Variants in EIF4G3 observed in about 807,000 individuals in gnomAD.
The protein encoded by EIF4G3 is eukaryotic translation initiation factor 4 gamma 3, also known as eIF-4-gamma 3.
A neutral mutation model predicts 186.4 loss-of-function variants in EIF4G3; 34 were observed. That is an observed-to-expected ratio of 0.18 (90% CI 0.14 to 0.24). The LOEUF is 0.24. EIF4G3 is among the 10% of genes least tolerant of loss of function. The probability of loss-of-function intolerance (pLI) is 1.00; values close to 1 mark genes in which losing one functional copy is unlikely to be tolerated. For missense variants in EIF4G3, 1,536 were observed against 1,948.5 expected, an observed-to-expected ratio of 0.79 and a Z score of 3.99; for synonymous variants, 673 against 679.5, an observed-to-expected ratio of 0.99 and a Z score of 0.15.
intron 12 of EIF4G3, among the ~76,000 whole-genome samples, chr1:20,964,356 C>T (rs1272706107): frequency 1.1e-4 from 17 of 152,178 alleles, no homozygotes; most frequent in Admixed American, 2.0e-4. Context: ...CCTCCATCTA[C>T]GCACTGTGAT....
At chr1:21,033,208 AAAC>A (rs1419004906) in intron 4 of EIF4G3, among the ~76,000 whole-genome samples, 1 of 152,304 alleles carries the variant, frequency 6.6e-6, no homozygotes, top group East Asian at 1.9e-4. Context: ...TTTATTTTTT[AAAC>A]AACAATGCAG....
chr1:21,013,802 C>T (rs958107313), intron 4 of EIF4G3, among the ~76,000 whole-genome samples: 1 of 152,168 alleles, frequency 6.6e-6, no homozygotes, highest in South Asian at 2.1e-4. Context: ...CCTGATGTTA[C>T]CCATCATGGA....
rs1477756202 is a variant in EIF4G3 at position 20,817,324 on chromosome 1, C to A, written c.4515+68G>T. 8 of 1,078,104 alleles carry A rather than the reference C, an allele frequency of 7.4e-6. No individual in the cohort carries two copies. In the East Asian group the frequency reaches 2.4e-4, roughly 32 times the overall value. 66.8% of individuals were successfully genotyped at this position (1,078,104 alleles called of 1,614,324 possible). A position where few individuals can be genotyped will look rare whatever the true frequency, so the allele number is the denominator to read the frequency against. On this transcript the variant is annotated intron_variant, in intron 34 of 36. Transcript: ENST00000602326. ...TTCATGAAGTGAACTGATAGGTAAG[C>A]GAATTAAGGGGATCCCACAAGAATC...
intron 14 of EIF4G3, among the ~76,000 whole-genome samples, chr1:20,923,308 GTC>G: frequency 6.6e-6 from 1 of 152,240 alleles, no homozygotes; most frequent in South Asian, 2.1e-4. Context: ...GTGGAGGACA[GTC>G]CATTAAGCAA....
chr1:21,083,286 C>T (rs1303382498), intron 3 of EIF4G3, among the ~76,000 whole-genome samples: 1 of 152,018 alleles, frequency 6.6e-6, no homozygotes, highest in Non-Finnish European at 1.5e-5. Flanking sequence ...TTTAAGGTAA[C>T]TTTTAGCTGC....
rs368585826 is a variant in EIF4G3, at chr1:21,124,599, T to C, written c.-271-35386A>G. Reference sequence around the variant, plus strand: ...TATAAGGTAGAGGAAATGAGAATTCTTCAGAATTTTGAAATCTCAAACTAT... The same window carrying C: ...TATAAGGTAGAGGAAATGAGAATTCCTCAGAATTTTGAAATCTCAAACTAT... On this transcript the variant is annotated intron_variant, in intron 2 of 36. Coordinates refer to ENST00000602326, the MANE Select transcript of EIF4G3 (RefSeq NM_001391906.1). Among the ~76,000 whole-genome samples the C allele has an allele frequency of 3.3e-5, 5 of 152,320 alleles. No individual in the cohort carries two copies. In the East Asian group the frequency reaches 5.8e-4, roughly 18 times the overall value.
chr1:20,860,336 A>T, intron 24 of EIF4G3, 49 bp downstream of exon 24: 1 of 1,609,574 alleles, frequency 6.2e-7, no homozygotes. Context: ...CTTAATATGT[A>T]TTCCTGAAAC....
chr1:21,150,775 G>A (rs1189135924), intron 2 of EIF4G3, among the ~76,000 whole-genome samples: 1 of 152,164 alleles, frequency 6.6e-6, no homozygotes, highest in African/African-American at 2.4e-5. Flanking sequence ...TCGGGAGTTC[G>A]AGATCAGCCT....
chr1:21,124,484 T>C (rs1049873409), intron 2 of EIF4G3, among the ~76,000 whole-genome samples: 1 of 152,164 alleles, frequency 6.6e-6, no homozygotes, highest in Non-Finnish European at 1.5e-5. Context: ...GTAGGCTTTA[T>C]TTTGCTTCTA....
intron 2 of EIF4G3, among the ~76,000 whole-genome samples, chr1:21,157,639 G>A (rs1435489676): frequency 6.6e-6 from 1 of 151,786 alleles, no homozygotes; most frequent in East Asian, 1.9e-4. Flanking sequence ...CCCAGCCTCA[G>A]GTTTCTTTTG....
intron 11 of EIF4G3, among the ~76,000 whole-genome samples, chr1:20,971,145 G>A (rs1213337942): frequency 2.0e-5 from 3 of 152,138 alleles, no homozygotes; most frequent in Non-Finnish European, 2.9e-5. Context: ...AAGTGTCTGC[G>A]ACTAGGCATT....
rs1259452044 is a variant in EIF4G3 at position 20,865,149 on chromosome 1, C to T, written c.2736G>A (p.Glu912=). The T allele has an allele frequency of 1.2e-6, 2 of 1,614,156 alleles. No homozygotes were observed. The highest frequency in any genetic ancestry group is 2.7e-5 in the African/African-American group (2 of 75,042). The change falls in exon 21 of 37, where the codon GAG becomes GAA. Residue 912 remains glutamate (E), a synonymous_variant. Coordinates refer to ENST00000602326, the MANE Select transcript of EIF4G3 (RefSeq NM_001391906.1). ...CAGCCTCAAGTTCTTTCTGCTTCTT[C>T]TCAAAGACATCATCATCTGCTTTAT... ...EKDKADDDVF[E]KKQKELEAAS...
intron 3 of EIF4G3, among the ~76,000 whole-genome samples, chr1:21,083,487 CT>C (rs11368580): frequency 5.5e-4 from 79 of 144,410 alleles, no homozygotes; most frequent in Non-Finnish European, 5.9e-4. Flanking sequence ...CACACACACA[CT>C]TTTTTTTTTT....
intron 10 of EIF4G3, among the ~76,000 whole-genome samples, chr1:20,978,677 C>CAA (rs10603153): frequency 7.2e-4 from 77 of 106,280 alleles, no homozygotes; most frequent in African/African-American, 2.3e-3. Context: ...TTTATCAGAT[C>CAA]AAAAAAAAAA....
Position 20,879,476 on chromosome 1 carries a change from T to C in EIF4G3, c.2469A>G (p.Pro823=), listed in dbSNP as rs2081692606. ...GCTTCATCAGTTGATTGAACATCTG[T>C]GGTGTCAATTTATTTAAGATACTTC... The part of the protein sequence containing the change: ...KVRSILNKLT[P]QMFNQLMKQV... Residue 823 remains proline, a synonymous_variant, in exon 20 of 37, where the codon CCA becomes CCG. Transcript: ENST00000602326. 5 of 1,524,324 alleles carry C rather than the reference T, an allele frequency of 3.3e-6. No homozygotes were observed. In the South Asian group the frequency reaches 3.9e-5, roughly 12 times the overall value. The allele number at this position is 1,524,324 out of a possible 1,614,324, so 94.4% of individuals were successfully genotyped here.
rs529857168 is a variant in EIF4G3 at position 21,151,488 on chromosome 1, T to C, written c.-272+24687A>G. 2.3e-4 allele frequency among the ~76,000 whole-genome samples: 35 copies of C among 152,150 alleles called. No homozygotes were observed. In the East Asian group the frequency reaches 6.8e-3, roughly 29 times the overall value. ...CTCCTGACCTCGTGATCCGCCCGCC[T>C]TGGCCTCACAAAGTGCTGGGATTAC... On this transcript the variant is annotated intron_variant, in intron 2 of 36. Coordinates refer to ENST00000602326, the MANE Select transcript of EIF4G3 (RefSeq NM_001391906.1).
chr1:20,955,327 G>C (rs1372593322), intron 12 of EIF4G3, among the ~76,000 whole-genome samples: 2 of 152,022 alleles, frequency 1.3e-5, no homozygotes, highest in Non-Finnish European at 2.9e-5. Flanking sequence ...GACCTCTTGA[G>C]TTCAAGTGTT....
chr1:20,860,538 G>T (rs2076092489), intron 23 of EIF4G3, 21 bp from the exon 24 acceptor site: 1 of 1,601,518 alleles, frequency 6.2e-7, no homozygotes, highest in Non-Finnish European at 8.5e-7. Flanking sequence ...AGAAAATAAG[G>T]TTATCTGCCA....
intron 33 of EIF4G3, among the ~76,000 whole-genome samples, chr1:20,818,900 C>T (rs756143345): frequency 7.2e-5 from 11 of 152,114 alleles, no homozygotes; most frequent in African/African-American, 2.7e-4. Flanking sequence ...CTACCACTTA[C>T]GTAGCATCTC....
Sources: allele counts gnomAD v4.1 joint callset (sites outside exome capture counted in the v4.1 genomes callset), GRCh38; gene constraint gnomAD v4.1.1; transcripts MANE v1.5; gene names NCBI Gene and HGNC (gene_info 2026-07-23, HGNC 2026-07-21).